Variants in KIF23 observed in about 807,000 individuals in gnomAD.
The protein encoded by KIF23 is kinesin-like protein KIF23.
A neutral mutation model predicts 137.5 loss-of-function variants in KIF23; 30 were observed. That is an observed-to-expected ratio of 0.22 (90% CI 0.16 to 0.30). The LOEUF (loss-of-function observed/expected upper bound fraction) is 0.30, where lower values mean the gene tolerates loss of function less well. Among genes scored for constraint, KIF23 ranks in the 10% least tolerant of loss-of-function variants. KIF23 has a pLI of 1.00. For missense variants in KIF23, 920 were observed against 1,194.3 expected (o/e 0.77, Z 3.38); for synonymous variants, 367 against 391.1 (o/e 0.94, Z 0.73).
intron 10 of KIF23, among the ~76,000 whole-genome samples, chr15:69,428,242 A>G (rs1229245412): frequency 6.6e-6 from 1 of 151,756 alleles, no homozygotes; most frequent in Non-Finnish European, 1.5e-5. Flanking sequence ...CGACAGAGTG[A>G]GACTCTGTCT....
rs1475162067 is a variant in KIF23 at position 69,426,056 on chromosome 15, T to C, written c.777-14T>C. 4 of 1,510,946 alleles carry C rather than the reference T, an allele frequency of 2.6e-6. No individual in the cohort carries two copies. The Admixed American group carries it at 9.8e-5, about 37-fold the overall frequency. The allele number at this position is 1,510,946 out of a possible 1,614,324, so 93.6% of individuals were successfully genotyped here. On this transcript the variant is annotated splice_polypyrimidine_tract_variant and intron_variant, in intron 8 of 23. Transcript: ENST00000679126. ...CATAATTTAGGAGACTAATCTTTTT[T>C]TTCTTTCCCATAGACCTCCACAATC...
At chr15:69,421,311 C>T (rs1460854235) in intron 3 of KIF23, among the ~76,000 whole-genome samples, 1 of 152,110 alleles carries the variant, frequency 6.6e-6, no homozygotes, top group African/African-American at 2.4e-5. Context: ...TCGCTTGAAC[C>T]CAGGAGGCAG....
intron 10 of KIF23, among the ~76,000 whole-genome samples, chr15:69,428,740 T>C (rs2057275982): frequency 6.6e-6 from 1 of 151,504 alleles, no homozygotes; most frequent in African/African-American, 2.4e-5. Context: ...TATCTGATTA[T>C]AGAAGAATTT....
At chr15:69,443,980 G>A (rs2057689087) in intron 19 of KIF23, 1 of 148,584 alleles carries the variant, frequency 6.7e-6, no homozygotes, top group Non-Finnish European at 1.5e-5. Flanking sequence ...GTTTTGTTTT[G>A]TTTTGTTTTT....
intron 11 of KIF23, chr15:69,434,827 C>A: frequency 1.1e-6 from 1 of 923,920 alleles, no homozygotes. Flanking sequence ...ACGTCCCTGG[C>A]AGTAATGTCC....
chr15:69,432,734 A>C (rs566828275), intron 11 of KIF23, among the ~76,000 whole-genome samples: 2 of 152,332 alleles, frequency 1.3e-5, no homozygotes, highest in South Asian at 2.1e-4. Context: ...TTTGTCATAC[A>C]GTAATTATGT....
chr15:69,415,473 A>G (rs1254931861), intron 1 of KIF23, among the ~76,000 whole-genome samples: 2 of 152,180 alleles, frequency 1.3e-5, no homozygotes, highest in East Asian at 3.8e-4. Flanking sequence ...TAACTTTTTG[A>G]TTGCCCCTAC....
intron 16 of KIF23, 105 bp from the exon 17 acceptor site, chr15:69,439,799 T>C (rs1444182079): frequency 3.8e-6 from 3 of 799,438 alleles, no homozygotes; most frequent in East Asian, 6.0e-5. Context: ...TCCATGATGT[T>C]TCTTTCCACA....
At chr15:69,428,143 G>C (rs533716497) in intron 10 of KIF23, among the ~76,000 whole-genome samples, 1 of 152,204 alleles carries the variant, frequency 6.6e-6, no homozygotes, top group East Asian at 1.9e-4. Flanking sequence ...TGTAGTCCCA[G>C]CTACTCGGGA....
At chr15:69,432,475 T>C (rs2057378496) in intron 11 of KIF23, among the ~76,000 whole-genome samples, 1 of 152,046 alleles carries the variant, frequency 6.6e-6, no homozygotes, top group Admixed American at 6.6e-5. Flanking sequence ...AAAATGTTGC[T>C]AGCCTCTCCC....
At chr15:69,434,937 G>A (rs2057439006) in intron 11 of KIF23, 5 of 675,876 alleles carry the variant, frequency 7.4e-6, no homozygotes, top group East Asian at 2.6e-5. Context: ...GCAGCTGTAC[G>A]CGGGCATGAG....
At position 69,417,434 on chromosome 15, in the gene KIF23, G is replaced by A; in HGVS notation, c.133G>A (p.Glu45Lys). 6.2e-7 allele frequency: 1 copy of A among 1,613,880 alleles called. No individual in the cohort carries two copies. The highest frequency in any genetic ancestry group is 8.5e-7 in the Non-Finnish European group (1 of 1,179,858). Reference sequence around the variant, plus strand: ...CTTTCCTGATCAAGAGTGTTGCATAGAAGTGATCAATAATACAACTGTTCA... The same window carrying A: ...CTTTCCTGATCAAGAGTGTTGCATAAAAGTGATCAATAATACAACTGTTCA... ...LGFPDQECCI[E>K]VINNTTVQLH... The change falls in exon 3 of 24, where the codon GAA (glutamate) becomes AAA (lysine). Residue 45 changes from glutamate to lysine, a missense_variant. Glu to Lys is a moderately conservative substitution (Grantham distance 56). Around this residue, in one of 4 missense-constraint regions of KIF23, gnomAD observed 124 missense variants for 122.0 expected, o/e 1.02. Transcript: ENST00000679126.
chr15:69,440,177 TTGG>T, intron 17 of KIF23, 100 bp downstream of exon 17: 1 of 1,495,050 alleles, frequency 6.7e-7, no homozygotes, highest in Non-Finnish European at 9.1e-7. Flanking sequence ...CGGTAGGGTT[TTGG>T]TGGTGGTTGT....
At chr15:69,428,570 G>T (rs547416535) in intron 10 of KIF23, among the ~76,000 whole-genome samples, 1 of 143,252 alleles carries the variant, frequency 7.0e-6, no homozygotes, top group Admixed American at 7.5e-5. Flanking sequence ...TGAGGCAAGA[G>T]AACCGCTTGA....
At chr15:69,414,775 C>A in intron 1 of KIF23, 1 of 351,710 alleles carries the variant, frequency 2.8e-6, no homozygotes, top group Non-Finnish European at 5.1e-6. Flanking sequence ...TTCCCGGGGG[C>A]GGGGCAGTCC....
rs781180403 is a variant in KIF23, at chr15:69,440,360, A to T, written c.1982A>T (p.Lys661Ile). ...QLEMQNKLWV[K>I]DEKLKQLKAI... ...GAGATGCAGAATAAACTCTGGGTTAAAGATGAAAAGCTGAAACAACTGAAG... is the reference window on the plus strand; with the variant it reads ...GAGATGCAGAATAAACTCTGGGTTATAGATGAAAAGCTGAAACAACTGAAG... The change falls in exon 18 of 24, where the codon AAA becomes ATA. Residue 661 changes from lysine (K) to isoleucine (I), a missense_variant. Coordinates refer to ENST00000679126, the MANE Select transcript of KIF23 (RefSeq NM_001367805.3). The T allele has an allele frequency of 6.2e-7, 1 of 1,614,048 alleles. No individual in the cohort carries two copies. Among genetic ancestry groups the T allele is most frequent in the Non-Finnish European group, 8.5e-7 (1 of 1,179,998 alleles).
rs967646103 is a variant in KIF23 at position 69,431,589 on chromosome 15, G to A, written c.1114+2376G>A. On this transcript the variant is annotated intron_variant, in intron 11 of 23. Coordinates refer to ENST00000679126, the MANE Select transcript of KIF23 (RefSeq NM_001367805.3). Reference sequence around the variant, plus strand: ...AGATCGCGCCATTGCACTCCAGCCTGGGCGACAGAGCGAGACTCCGTCTCA... The same window carrying A: ...AGATCGCGCCATTGCACTCCAGCCTAGGCGACAGAGCGAGACTCCGTCTCA... Among the ~76,000 whole-genome samples, 7 of 150,774 alleles carry A rather than the reference G, an allele frequency of 4.6e-5. No individual in the cohort carries two copies. In the East Asian group the frequency reaches 1.4e-3, roughly 30 times the overall value.
chr15:69,428,566 A>G (rs909386260), intron 10 of KIF23, among the ~76,000 whole-genome samples: 1 of 148,754 alleles, frequency 6.7e-6, no homozygotes, highest in Admixed American at 6.9e-5. Flanking sequence ...AGGCTGAGGC[A>G]AGAGAACCGC....
rs539978255 is a variant in KIF23, at chr15:69,431,919, C to T, written c.1114+2706C>T. ...GCCTTTAGAGCTGCCTCTACCCTGG[C>T]CCAAAGGACTCTTGCAATTTGTCTG... On this transcript the variant is annotated intron_variant, in intron 11 of 23. Transcript: ENST00000679126. Among the ~76,000 whole-genome samples, 4 of 152,316 alleles carry T rather than the reference C, an allele frequency of 2.6e-5. No homozygotes were observed. In the East Asian group the frequency reaches 7.7e-4, roughly 29 times the overall value.
Sources: allele counts gnomAD v4.1 joint callset (sites outside exome capture counted in the v4.1 genomes callset), GRCh38; gene constraint gnomAD v4.1.1; regional missense constraint gnomAD v4.1.1; transcripts MANE v1.5; gene names NCBI Gene and HGNC (gene_info 2026-07-23, HGNC 2026-07-21).